The following TDRP variants were observed in gnomAD, a reference collection of about 807,000 sequenced individuals.
TDRP encodes testis development related protein.
In TDRP, 12 loss-of-function variants were observed where a neutral mutation model predicts 10.5. The ratio of observed to expected loss-of-function variants is 1.15; its 90% CI spans 0.73 to 1.86. The LOEUF (loss-of-function observed/expected upper bound fraction) is 1.86. TDRP is among the 40% of genes most tolerant of loss of function. TDRP has a pLI of 0.00. For synonymous variants in TDRP, 139 were observed against 95.4 expected (o/e 1.46, Z -2.67); for missense variants, 353 against 229.2 (o/e 1.54, Z -3.49).
At chr8:517,833 T>C (rs1801797174) in intron 1 of TDRP, among the ~76,000 whole-genome samples, 1 of 152,188 alleles carries the variant, frequency 6.6e-6, no homozygotes, top group South Asian at 2.1e-4. Flanking sequence ...CAAATACATC[T>C]TACTAAGTGA....
At chr8:516,700 T>C (rs1584868964) in intron 1 of TDRP, among the ~76,000 whole-genome samples, 1 of 152,152 alleles carries the variant, frequency 6.6e-6, no homozygotes, top group East Asian at 1.9e-4. Context: ...GGCAGTTTCT[T>C]ATAAAACTAA....
In TDRP at chr8:492,234, C is replaced by A; in HGVS notation, c.*165G>T. 1 of 1,300,382 alleles carries A rather than the reference C, an allele frequency of 7.7e-7. No homozygotes were observed. The highest frequency in any genetic ancestry group is 9.7e-7 in the Non-Finnish European group (1 of 1,028,344). 80.6% of individuals were successfully genotyped at this position (1,300,382 alleles called of 1,614,324 possible). A position where few individuals can be genotyped will look rare whatever the true frequency, so the allele number is the denominator to read the frequency against. On this transcript the variant is annotated 3_prime_UTR_variant, in exon 3 of 3. Transcript: ENST00000324079. ...TCCCTGCACGTGTTCACCAAGGAGT[C>A]ACAGTGTGTGTGAGAGTTCATTAAA...
Position 544,634 on chromosome 8 carries a change from C to G in TDRP, c.108+16G>C. 8.1e-7 allele frequency: 1 copy of G among 1,235,720 alleles called. No homozygotes were observed. Among genetic ancestry groups the G allele is most frequent in the Non-Finnish European group, 1.0e-6 (1 of 989,470 alleles). The allele number at this position is 1,235,720 out of a possible 1,614,324, so 76.5% of individuals were successfully genotyped here. A position where few individuals can be genotyped will look rare whatever the true frequency, so the allele number is the denominator to read the frequency against. On this transcript the variant is annotated intron_variant, in intron 1 of 2. Coordinates refer to ENST00000324079, the MANE Select transcript of TDRP (RefSeq NM_001384899.1). ...CCCCCGGCCTACTAGCACTCCCCAC[C>G]TGCGCACCCCCTCACCTGCGCCTGG...
rs541340958 is a variant in TDRP, at chr8:520,734, T to C, written c.108+23916A>G. Among the ~76,000 whole-genome samples the C allele has an allele frequency of 5.9e-5, 9 of 152,350 alleles. No homozygotes were observed. In the East Asian group the frequency reaches 1.2e-3, roughly 20 times the overall value. ...TTTTCATATGCTTATAGGTCATTTG[T>C]GTATCTTCTGTGCACCAACGTCTAC... On this transcript the variant is annotated intron_variant, in intron 1 of 2. Coordinates refer to ENST00000324079, the MANE Select transcript of TDRP (RefSeq NM_001384899.1).
rs1270605742 is a variant in TDRP, at chr8:494,511, T to C, written c.195A>G (p.Lys65=). The change falls in exon 2 of 3, where the codon AAA becomes AAG. Residue 65 remains lysine, a synonymous_variant. Transcript: ENST00000324079. The part of the protein sequence containing the change: ...DDEQHLLERC[K]SPKSKGTNLR... ...TGACTTACCCTTTGGACTTGGGAGA[T>C]TTACATCTTTCCAGGAGATGCTGCT... is the stretch of plus-strand genomic sequence containing the variant. 2 of 1,613,896 alleles carry C rather than the reference T, an allele frequency of 1.2e-6. No individual in the cohort carries two copies. The highest frequency in any genetic ancestry group is 2.2e-5 in the South Asian group (2 of 91,072).
chr8:520,885 C>T (rs552457722), intron 1 of TDRP, among the ~76,000 whole-genome samples: 4 of 152,132 alleles, frequency 2.6e-5, no homozygotes, highest in Admixed American at 6.5e-5. Flanking sequence ...CCATTCCAAA[C>T]GTTGCATTTT....
chr8:517,168 G>C (rs1014121286), intron 1 of TDRP, among the ~76,000 whole-genome samples: 1 of 152,110 alleles, frequency 6.6e-6, no homozygotes, highest in Admixed American at 6.6e-5. Flanking sequence ...ACTGACAGAA[G>C]GGACTCTTTG....
chr8:539,408 G>A (rs1291217685), intron 1 of TDRP, among the ~76,000 whole-genome samples: 3 of 152,164 alleles, frequency 2.0e-5, no homozygotes, highest in Non-Finnish European at 4.4e-5. Context: ...AGAAATAAAT[G>A]TTTGTTGTTG....
intron 2 of TDRP, among the ~76,000 whole-genome samples, chr8:493,570 C>G (rs1010442372): frequency 3.9e-5 from 6 of 152,256 alleles, no homozygotes; most frequent in Non-Finnish European, 8.8e-5. Flanking sequence ...TCTAATCAAA[C>G]AGCTTCCATA....
intron 1 of TDRP, among the ~76,000 whole-genome samples, chr8:518,863 AT>A (rs550375818): frequency 1.6e-3 from 250 of 152,340 alleles, no homozygotes; most frequent in African/African-American, 5.6e-3. Context: ...GGAGTATGGT[AT>A]AAAAAACTCA....
chr8:529,606 C>T (rs921864298), intron 1 of TDRP, among the ~76,000 whole-genome samples: 8 of 151,988 alleles, frequency 5.3e-5, no homozygotes, highest in Non-Finnish European at 1.0e-4. Context: ...TTTATTTGTT[C>T]ATTTTTGAAA....
At chr8:513,955 A>G (rs959467825) in intron 1 of TDRP, among the ~76,000 whole-genome samples, 6 of 152,220 alleles carry the variant, frequency 3.9e-5, no homozygotes, top group African/African-American at 1.2e-4. Context: ...AATGATCTGA[A>G]TAACTGGAAA....
chr8:516,174 T>A (rs1801752914), intron 1 of TDRP, among the ~76,000 whole-genome samples: 1 of 152,152 alleles, frequency 6.6e-6, no homozygotes. Context: ...GTGGTGTGAA[T>A]GGAGAAGAAA....
Position 492,532 on chromosome 8 carries a change from C to A in TDRP, c.425G>T (p.Gly142Val). 1.9e-6 allele frequency: 3 copies of A among 1,611,170 alleles called. No individual in the cohort carries two copies. In the South Asian group the frequency reaches 3.3e-5, roughly 18 times the overall value. Reference protein sequence around the residue: ...SWSGWEDDAKGSTKYTSLASS... With the variant: ...SWSGWEDDAKVSTKYTSLASS... ...GGCCAGGCTGGTGTACTTGGTCGAGCCCTTGGCGTCATCCTCCCAGCCTGA... is the reference window on the plus strand; with the variant it reads ...GGCCAGGCTGGTGTACTTGGTCGAGACCTTGGCGTCATCCTCCCAGCCTGA... Residue 142 changes from glycine (G) to valine (V), a missense_variant, in exon 3 of 3, where the codon GGC becomes GTC. Transcript: ENST00000324079.
intron 1 of TDRP, among the ~76,000 whole-genome samples, chr8:531,049 A>AC (rs558907348): frequency 2.6e-5 from 4 of 151,814 alleles, no homozygotes; most frequent in African/African-American, 9.7e-5. Flanking sequence ...CCATCAGGTG[A>AC]CCCCCCAAAA....
At chr8:544,094 T>C (rs1242030286) in intron 1 of TDRP, among the ~76,000 whole-genome samples, 6 of 152,052 alleles carry the variant, frequency 3.9e-5, no homozygotes. Flanking sequence ...TTCAGAAAAA[T>C]CAAGAATTTA....
chr8:528,992 G>A (rs960839275), intron 1 of TDRP, among the ~76,000 whole-genome samples: 3 of 152,132 alleles, frequency 2.0e-5, no homozygotes, highest in Admixed American at 6.5e-5. Flanking sequence ...TGATGTTTGA[G>A]GGCAGGAAGC....
chr8:502,444 A>G (rs981825067), intron 1 of TDRP, among the ~76,000 whole-genome samples: 1 of 152,214 alleles, frequency 6.6e-6, no homozygotes, highest in Non-Finnish European at 1.5e-5. Context: ...CTAGGCGGCC[A>G]TAGCGAGACC....
rs978690292 is a variant in TDRP, at chr8:521,218, C to G, written c.108+23432G>C. Among the ~76,000 whole-genome samples, 3 of 127,964 alleles carry G rather than the reference C, an allele frequency of 2.3e-5. No individual in the cohort carries two copies. The South Asian group carries it at 7.4e-4, about 31-fold the overall frequency. 83.9% of individuals were successfully genotyped at this position (127,964 alleles called of 152,430 possible). A position where few individuals can be genotyped will look rare whatever the true frequency, so the allele number is the denominator to read the frequency against. ...GAGATAGAGATCATCCTGGCTAACA[C>G]GGTCAAACCCCGTCTCTACTAAAAA... On this transcript the variant is annotated intron_variant, in intron 1 of 2. Coordinates refer to ENST00000324079, the MANE Select transcript of TDRP (RefSeq NM_001384899.1).
Sources: gnomAD v4.1 joint callset for allele counts (sites outside exome capture counted in the v4.1 genomes callset) on GRCh38, gnomAD v4.1.1 for gene constraint, MANE v1.5 for transcripts, NCBI Gene and HGNC (gene_info 2026-07-23, HGNC 2026-07-21) for gene names.